CNOT4: variants seen among roughly 807,000 people sequenced by gnomAD.
CNOT4 encodes CCR4-associated factor 4.
Under a neutral mutation model 73.8 loss-of-function variants are expected in CNOT4, and 8 were observed. That is an observed-to-expected ratio of 0.11 (90% CI 0.06 to 0.20). CNOT4 has a LOEUF of 0.20. Among genes scored for constraint, CNOT4 ranks in the 10% least tolerant of loss-of-function variants. CNOT4 has a pLI of 1.00. For missense variants in CNOT4, 564 were observed against 883.4 expected (o/e 0.64, Z 4.58); for synonymous variants, 293 against 321.1 (o/e 0.91, Z 0.94).
chr7:135,469,253 T>C (rs1801421725), intron 1 of CNOT4, among the ~76,000 whole-genome samples: 1 of 152,070 alleles, frequency 6.6e-6, no homozygotes, highest in African/African-American at 2.4e-5. Context: ...AGTGAACATA[T>C]CTAGAGTTCA....
chr7:135,505,507 G>T (rs986543439), intron 1 of CNOT4, among the ~76,000 whole-genome samples: 3 of 152,148 alleles, frequency 2.0e-5, no homozygotes, highest in African/African-American at 7.2e-5. Flanking sequence ...AGCCGAGATC[G>T]TGCAGCTACA....
intron 1 of CNOT4, chr7:135,509,212 T>G (rs924764349): frequency 2.6e-5 from 4 of 151,976 alleles, no homozygotes; most frequent in African/African-American, 9.7e-5. Context: ...GAGAAACAGG[T>G]GGGTTAGCAG....
At chr7:135,484,544 C>G (rs1483951390) in intron 1 of CNOT4, among the ~76,000 whole-genome samples, 1 of 151,816 alleles carries the variant, frequency 6.6e-6, no homozygotes, top group African/African-American at 2.4e-5. Context: ...TCACTTGAGA[C>G]CAGGAGTTTG....
intron 10 of CNOT4, chr7:135,384,495 C>G (rs915618226): frequency 9.0e-5 from 51 of 565,460 alleles, no homozygotes; most frequent in Non-Finnish European, 1.5e-4. Context: ...CCGTGTTAGC[C>G]AGGATGGTCT....
chr7:135,371,956 G>C (rs542741384), intron 10 of CNOT4, among the ~76,000 whole-genome samples: 1 of 152,236 alleles, frequency 6.6e-6, no homozygotes, highest in South Asian at 2.1e-4. Context: ...GCACAAAACT[G>C]AGCAGTGACC....
chr7:135,391,155 G>T (rs112288825), intron 10 of CNOT4, among the ~76,000 whole-genome samples: 5,334 of 152,110 alleles, frequency 0.035, 319 homozygotes, highest in African/African-American at 0.12. Context: ...TAGTTTTCCA[G>T]ATTTTCACTT....
At chr7:135,488,506 C>A (rs1448821543) in intron 1 of CNOT4, among the ~76,000 whole-genome samples, 1 of 152,182 alleles carries the variant, frequency 6.6e-6, no homozygotes, top group Non-Finnish European at 1.5e-5. Context: ...AGCCACTGTG[C>A]CCAGCCTAAA....
intron 2 of CNOT4, among the ~76,000 whole-genome samples, chr7:135,434,444 C>G (rs1036767330): frequency 2.0e-5 from 3 of 152,126 alleles, no homozygotes; most frequent in Non-Finnish European, 4.4e-5. Context: ...CAACAAGAAA[C>G]CAAAAAATTA....
rs113026088 is a variant in CNOT4 at position 135,483,337 on chromosome 7, C to CA, written c.-93+26551dup. On this transcript the variant is annotated intron_variant, in intron 1 of 11. Transcript: ENST00000541284. Reference sequence around the variant, plus strand: ...TGAGTGACAGTTTAAGACTTTGTCTCAAAAAAAAAAATAAAAATAAAGCAA... The same window carrying CA: ...TGAGTGACAGTTTAAGACTTTGTCTCAAAAAAAAAAAATAAAAATAAAGCAA... Among the ~76,000 whole-genome samples the CA allele has an allele frequency of 8.9e-4, 125 of 139,874 alleles. 1 individual carries two copies. The highest frequency in any genetic ancestry group is 2.7e-3 in the East Asian group (13 of 4,892). 91.8% of individuals were successfully genotyped at this position (139,874 alleles called of 152,430 possible).
At chr7:135,403,239 T>C (rs1484343738) in intron 7 of CNOT4, among the ~76,000 whole-genome samples, 1 of 152,232 alleles carries the variant, frequency 6.6e-6, no homozygotes, top group Non-Finnish European at 1.5e-5. Flanking sequence ...CATATATTCA[T>C]TTCAAAGAAT....
At chr7:135,388,384 T>C in intron 10 of CNOT4, 2 of 984,734 alleles carry the variant, frequency 2.0e-6, no homozygotes. Context: ...AGACATTATC[T>C]TGTTAATTTG....
chr7:135,426,783 C>T (rs1213829556), intron 2 of CNOT4, among the ~76,000 whole-genome samples: 6 of 150,964 alleles, frequency 4.0e-5, no homozygotes, highest in South Asian at 2.1e-4. Flanking sequence ...ATGAGCCAGG[C>T]GTGATGGCAG....
intron 1 of CNOT4, among the ~76,000 whole-genome samples, chr7:135,457,513 T>G (rs7810491): frequency 0.02 from 3,051 of 152,180 alleles, 112 homozygotes; most frequent in African/African-American, 0.07. Context: ...CTATCATTAT[T>G]ACATGCTCAG....
At chr7:135,453,826 T>TTATATATATATGTATATATA (rs1800338057) in intron 1 of CNOT4, among the ~76,000 whole-genome samples, 1 of 89,902 alleles carries the variant, frequency 1.1e-5, no homozygotes, top group African/African-American at 3.9e-5. Flanking sequence ...TATATATATT[T>TTATATATATATGTATATATA]TATATATATA....
At chr7:135,461,338 G>T (rs1800858911) in intron 1 of CNOT4, among the ~76,000 whole-genome samples, 1 of 151,970 alleles carries the variant, frequency 6.6e-6, no homozygotes, top group Admixed American at 6.6e-5. Flanking sequence ...TAGAATAAAT[G>T]GTTTTGCTAA....
At chr7:135,420,302 C>T (rs559922443) in intron 3 of CNOT4, among the ~76,000 whole-genome samples, 51 of 151,994 alleles carry the variant, frequency 3.4e-4, no homozygotes, top group South Asian at 2.9e-3. Context: ...CTAGGTTGGG[C>T]GCAGTGGCTC....
intron 7 of CNOT4, among the ~76,000 whole-genome samples, chr7:135,400,209 T>C (rs1796930264): frequency 6.6e-6 from 1 of 151,726 alleles, no homozygotes; most frequent in Admixed American, 6.6e-5. Context: ...AAGTATTTAG[T>C]TTAGCTAACA....
chr7:135,371,585 A>G (rs1052466708), intron 10 of CNOT4, among the ~76,000 whole-genome samples: 4 of 152,352 alleles, frequency 2.6e-5, no homozygotes. Context: ...TGTGTTTGGC[A>G]TAATGTATAT....
chr7:135,365,815 A>G (rs964371506), intron 10 of CNOT4, among the ~76,000 whole-genome samples: 1 of 152,316 alleles, frequency 6.6e-6, no homozygotes, highest in African/African-American at 2.4e-5. Flanking sequence ...GGCCAGGAGA[A>G]AAAAATTCTG....
Sources: allele counts gnomAD v4.1 joint callset (sites outside exome capture counted in the v4.1 genomes callset), GRCh38; gene constraint gnomAD v4.1.1; transcripts MANE v1.5; gene names NCBI Gene and HGNC (gene_info 2026-07-23, HGNC 2026-07-21).